ITIH5: variants seen among roughly 807,000 people sequenced by gnomAD.
ITIH5 encodes the protein inter-alpha-trypsin inhibitor heavy chain 5.
In ITIH5, 65 loss-of-function variants were observed where a neutral mutation model predicts 77.5. The observed-to-expected ratio is 0.84, with a 90% confidence interval of 0.69 to 1.03. The LOEUF is 1.03. ITIH5 is among the 50% of genes least tolerant of loss of function. The probability of loss-of-function intolerance (pLI) is 0.00; values close to 1 mark genes in which losing one functional copy is unlikely to be tolerated. For missense variants in ITIH5, 1,208 were observed against 1,213.1 expected (o/e 1.00, Z 0.06); for synonymous variants, 525 against 494.3 (o/e 1.06, Z -0.82).
chr10:7,567,090 G>A (rs1190813268), intron 12 of ITIH5, among the ~76,000 whole-genome samples: 1 of 151,710 alleles, frequency 6.6e-6, no homozygotes, highest in Non-Finnish European at 1.5e-5. Context: ...AGTTATGTGC[G>A]GATTTTTTAC....
At position 7,644,512 on chromosome 10, in the gene ITIH5, TATATATCACATATATATG is replaced by T. The variant is rs1225361846; in HGVS notation, c.136-2440_136-2423del. Among the ~76,000 whole-genome samples, 476 of 48,746 alleles carry T rather than the reference TATATATCACATATATATG, an allele frequency of 9.8e-3. 16 individuals carry two copies. Among genetic ancestry groups the T allele is most frequent in the East Asian group, 0.027 (67 of 2,522 alleles). 32.0% of individuals were successfully genotyped at this position (48,746 alleles called of 152,430 possible). A position where few individuals can be genotyped will look rare whatever the true frequency, so the allele number is the denominator to read the frequency against. The stretch of plus-strand genomic sequence containing the variant: ...ATATATCATAATCACATATATATGA[TATATATCACATATATATG>T]ATATATCACATATATATGATATATC... On this transcript the variant is annotated intron_variant, in intron 2 of 13. Coordinates refer to ENST00000397146, the MANE Select transcript of ITIH5 (RefSeq NM_030569.7).
At chr10:7,623,055 T>C (rs1833499146) in intron 5 of ITIH5, among the ~76,000 whole-genome samples, 1 of 152,162 alleles carries the variant, frequency 6.6e-6, no homozygotes, top group South Asian at 2.1e-4. Context: ...AATTATCACA[T>C]GGGGAAAGAT....
chr10:7,651,450 A>T (rs1172036742), intron 2 of ITIH5, among the ~76,000 whole-genome samples: 2 of 152,120 alleles, frequency 1.3e-5, no homozygotes, highest in South Asian at 4.2e-4. Context: ...GAGCGCGATG[A>T]TGCATGCCTG....
At chr10:7,647,039 A>T (rs1490636706) in intron 2 of ITIH5, among the ~76,000 whole-genome samples, 1 of 152,238 alleles carries the variant, frequency 6.6e-6, no homozygotes, top group Non-Finnish European at 1.5e-5. Flanking sequence ...TGAACAAAAA[A>T]TATCAACCTC....
At chr10:7,645,347 T>C (rs980521809) in intron 2 of ITIH5, among the ~76,000 whole-genome samples, 5 of 152,140 alleles carry the variant, frequency 3.3e-5, no homozygotes, top group African/African-American at 9.7e-5. Flanking sequence ...AAAGTAGCGC[T>C]TCTCAAAGTG....
At chr10:7,656,452 C>T (rs1402545573) in intron 1 of ITIH5, among the ~76,000 whole-genome samples, 3 of 152,074 alleles carry the variant, frequency 2.0e-5, no homozygotes, top group Non-Finnish European at 4.4e-5. Context: ...TGGGTTCAAG[C>T]GAACTTCTCA....
At chr10:7,655,923 G>A (rs913361048) in intron 1 of ITIH5, among the ~76,000 whole-genome samples, 21 of 152,244 alleles carry the variant, frequency 1.4e-4, no homozygotes, top group African/African-American at 3.9e-4. Flanking sequence ...CTATCTCATC[G>A]CCTGAGCATT....
At chr10:7,638,916 G>A (rs545381193) in intron 4 of ITIH5, among the ~76,000 whole-genome samples, 1 of 152,216 alleles carries the variant, frequency 6.6e-6, no homozygotes, top group Admixed American at 6.5e-5. Context: ...GTTCATAGCT[G>A]TTCATTTTGT....
At chr10:7,618,613 T>A (rs1833415830) in intron 5 of ITIH5, 1 of 152,216 alleles carries the variant, frequency 6.6e-6, no homozygotes, top group South Asian at 2.1e-4. Flanking sequence ...GGAGGCTTTT[T>A]ATCCAGATAT....
chr10:7,573,223 T>C (rs759516044), intron 10 of ITIH5, 28 bp from the exon 11 acceptor site: 2 of 1,592,096 alleles, frequency 1.3e-6, no homozygotes, highest in African/African-American at 1.3e-5. Flanking sequence ...GAGAACATCA[T>C]GGTCATTCCT....
Position 7,597,576 on chromosome 10 carries a change from AGAGACACCCG to A in ITIH5, c.940-11517_940-11508del, listed in dbSNP as rs1832930758. Among the ~76,000 whole-genome samples the A allele has an allele frequency of 4.4e-5, 6 of 136,588 alleles. No homozygotes were observed. The South Asian group carries it at 1.0e-3, about 23-fold the overall frequency. The allele number at this position is 136,588 out of a possible 152,430, so 89.6% of individuals were successfully genotyped here. ...CTTGGAGTCACCCCCTCTGTACCCCAGAGACACCCGTACACAGCATGGTCCCAAGTCACCT... is the reference window on the plus strand; with the variant it reads ...CTTGGAGTCACCCCCTCTGTACCCCATACACAGCATGGTCCCAAGTCACCT... On this transcript the variant is annotated intron_variant, in intron 7 of 13. Coordinates refer to ENST00000397146, the MANE Select transcript of ITIH5 (RefSeq NM_030569.7).
intron 5 of ITIH5, 139 bp downstream of exon 5, chr10:7,637,089 T>C (rs1240189732): frequency 9.3e-7 from 1 of 1,075,456 alleles, no homozygotes; most frequent in Non-Finnish European, 1.3e-6. Context: ...TTAGCTTCAT[T>C]GCTATCATTC....
intron 1 of ITIH5, among the ~76,000 whole-genome samples, chr10:7,666,541 C>A (rs1834364041): frequency 6.6e-6 from 1 of 152,178 alleles, no homozygotes; most frequent in African/African-American, 2.4e-5. Flanking sequence ...CAGAAATCTG[C>A]GCAATCAACA....
intron 7 of ITIH5, among the ~76,000 whole-genome samples, chr10:7,611,508 G>C (rs1486594424): frequency 1.3e-5 from 2 of 151,344 alleles, no homozygotes; most frequent in Admixed American, 6.6e-5. Context: ...TGGGGCACTG[G>C]ATTGGACTAG....
At chr10:7,578,060 T>C (rs1487591608) in intron 9 of ITIH5, among the ~76,000 whole-genome samples, 2 of 152,206 alleles carry the variant, frequency 1.3e-5, no homozygotes, top group South Asian at 2.1e-4. Flanking sequence ...TCTCTCCCTT[T>C]TTGCGGCTAG....
At chr10:7,600,351 G>A (rs561184030) in intron 7 of ITIH5, among the ~76,000 whole-genome samples, 1 of 152,296 alleles carries the variant, frequency 6.6e-6, no homozygotes, top group Admixed American at 6.5e-5. Flanking sequence ...CCTGAAACAT[G>A]CTTCTGTCTT....
At position 7,563,031 on chromosome 10, in the gene ITIH5, G is replaced by T; in HGVS notation, c.*52C>A. The stretch of plus-strand genomic sequence containing the variant: ...AAGCCATGAAAAGAGCTGCCCCACG[G>T]CCTCCCCACATCACTGTCCTTCATG... On this transcript the variant is annotated 3_prime_UTR_variant, in exon 14 of 14. Coordinates refer to ENST00000397146, the MANE Select transcript of ITIH5 (RefSeq NM_030569.7). The T allele has an allele frequency of 6.5e-7, 1 of 1,534,758 alleles. No homozygotes were observed. The highest frequency in any genetic ancestry group is 9.0e-7 in the Non-Finnish European group (1 of 1,107,862).
At position 7,562,912 on chromosome 10, in the gene ITIH5, CA is replaced by C; in HGVS notation, c.*170del. ...TGCACTCAGGCTTCCCGCCCCTACC[CA>C]CCCCTACCCTTCGCCCAGACAGACG... On this transcript the variant is annotated 3_prime_UTR_variant, in exon 14 of 14. Transcript: ENST00000397146. 1 of 590,786 alleles carries C rather than the reference CA, an allele frequency of 1.7e-6. No individual in the cohort carries two copies. The highest frequency in any genetic ancestry group is 3.1e-6 in the Non-Finnish European group (1 of 320,798). 36.6% of individuals were successfully genotyped at this position (590,786 alleles called of 1,614,324 possible).
intron 5 of ITIH5, chr10:7,619,668 C>G (rs1004596797): frequency 1.8e-5 from 5 of 279,394 alleles, no homozygotes; most frequent in East Asian, 1.0e-4. Flanking sequence ...GCGGCAGGAG[C>G]GAGAGACAGA....
Sources: gnomAD v4.1 joint callset for allele counts (sites outside exome capture counted in the v4.1 genomes callset) on GRCh38, gnomAD v4.1.1 for gene constraint, MANE v1.5 for transcripts, NCBI Gene and HGNC (gene_info 2026-07-23, HGNC 2026-07-21) for gene names.